The following WIPF3 variants were observed in gnomAD, a reference collection of about 807,000 sequenced individuals.
WIPF3 encodes WAS/WASL interacting protein family member 3, also known as WAS/WASL-interacting protein family member 3.
A neutral mutation model predicts 38.9 loss-of-function variants in WIPF3; 33 were observed. That is an observed-to-expected ratio of 0.85 (90% CI 0.64 to 1.14). The LOEUF (loss-of-function observed/expected upper bound fraction) is 1.14, where lower values mean the gene tolerates loss of function less well. Ranked by LOEUF, WIPF3 falls within the 50% of genes most tolerant of loss-of-function variation. WIPF3 has a pLI of 0.00. For synonymous variants in WIPF3, 324 were observed against 269.3 expected (o/e 1.20, Z -1.99); for missense variants, 711 against 652.5 (o/e 1.09, Z -0.98).
chr7:29,864,263 G>A (rs1300304682), intron 2 of WIPF3, among the ~76,000 whole-genome samples: 1 of 152,046 alleles, frequency 6.6e-6, no homozygotes, highest in Non-Finnish European at 1.5e-5. Context: ...TGCTTTTTCT[G>A]TATCAATTGA....
At position 29,888,116 on chromosome 7, in the gene WIPF3, C is replaced by T; in HGVS notation, c.1148C>T (p.Ser383Leu). The change falls in exon 6 of 9, where the codon TCA becomes TTA. Residue 383 changes from serine (S) to leucine (L), a missense_variant. Transcript: ENST00000242140. ...CCACCTCCAGCACCCCCTGCGAGAT[C>T]ACCTACCACAGAGCTTTCAAGCAAG... Reference protein sequence around the residue: ...LNPPPAPPARSPTTELSSKSQ... With the variant: ...LNPPPAPPARLPTTELSSKSQ... 6.2e-7 allele frequency: 1 copy of T among 1,613,952 alleles called. No homozygotes were observed. The highest frequency in any genetic ancestry group is 8.5e-7 in the Non-Finnish European group (1 of 1,179,888).
At chr7:29,904,212 GAA>G (rs1786345416) in intron 7 of WIPF3, 72 bp from the exon 8 acceptor site, 1 of 1,467,354 alleles carries the variant, frequency 6.8e-7, no homozygotes, top group East Asian at 2.3e-5. Context: ...CTGATTTAGA[GAA>G]AGTTTCTCTG....
chr7:29,870,737 A>C (rs1785480087), intron 2 of WIPF3, among the ~76,000 whole-genome samples: 1 of 152,218 alleles, frequency 6.6e-6, no homozygotes, highest in Admixed American at 6.5e-5. Flanking sequence ...ACAGTTCTGT[A>C]CACTGTACTG....
Position 29,914,532 on chromosome 7 carries a change from G to C in WIPF3, c.*16G>C. The C allele has an allele frequency of 6.6e-7, 1 of 1,515,706 alleles. No homozygotes were observed. 93.9% of individuals were successfully genotyped at this position (1,515,706 alleles called of 1,614,324 possible). On this transcript the variant is annotated 3_prime_UTR_variant, in exon 9 of 9. Transcript: ENST00000242140. ...TCTTCGGTGAGAAGACAGATGAAGCGAAGGTCCTGGGGTTCCAGGTTGCAG... is the reference window on the plus strand; with the variant it reads ...TCTTCGGTGAGAAGACAGATGAAGCCAAGGTCCTGGGGTTCCAGGTTGCAG...
chr7:29,854,121 G>A (rs1352351200), intron 2 of WIPF3, among the ~76,000 whole-genome samples: 2 of 152,212 alleles, frequency 1.3e-5, no homozygotes, highest in African/African-American at 2.4e-5. Flanking sequence ...GGCCTTTGGA[G>A]CTGCTCAGGA....
chr7:29,840,320 T>C (rs2128066534), intron 2 of WIPF3, among the ~76,000 whole-genome samples: 1 of 152,368 alleles, frequency 6.6e-6, no homozygotes, highest in East Asian at 1.9e-4. Context: ...TTAAGGCCTC[T>C]GCATAGCCAT....
chr7:29,841,854 G>A (rs1424953268), intron 2 of WIPF3, among the ~76,000 whole-genome samples: 9 of 152,112 alleles, frequency 5.9e-5, no homozygotes, highest in Admixed American at 5.9e-4. Flanking sequence ...TGCCCACATG[G>A]TGTGTTGGTC....
At chr7:29,897,885 C>G (rs1209399248) in intron 7 of WIPF3, among the ~76,000 whole-genome samples, 1 of 152,248 alleles carries the variant, frequency 6.6e-6, no homozygotes, top group African/African-American at 2.4e-5. Context: ...TTTACCACAG[C>G]TTCTGTCCTT....
chr7:29,887,952 T>G, intron 5 of WIPF3, 116 bp from the exon 6 acceptor site: 1 of 1,355,314 alleles, frequency 7.4e-7, no homozygotes. Flanking sequence ...AGGTTGCCCT[T>G]TTACTCGCTG....
intron 2 of WIPF3, among the ~76,000 whole-genome samples, chr7:29,847,503 T>C (rs143103653): frequency 6.6e-6 from 1 of 152,368 alleles, no homozygotes; most frequent in African/African-American, 2.4e-5. Flanking sequence ...CCCAACGATG[T>C]AGCGGAAATT....
intron 7 of WIPF3, among the ~76,000 whole-genome samples, chr7:29,899,308 C>T (rs964373454): frequency 6.6e-6 from 1 of 152,226 alleles, no homozygotes; most frequent in Non-Finnish European, 1.5e-5. Flanking sequence ...AGAGGTCTCC[C>T]CTGACTACCC....
intron 7 of WIPF3, among the ~76,000 whole-genome samples, chr7:29,894,100 T>C (rs1278240566): frequency 1.3e-5 from 2 of 152,226 alleles, no homozygotes; most frequent in Non-Finnish European, 2.9e-5. Context: ...TTTGCTGATC[T>C]GCCCTAAACC....
At chr7:29,896,969 C>A (rs1786158041) in intron 7 of WIPF3, among the ~76,000 whole-genome samples, 1 of 152,186 alleles carries the variant, frequency 6.6e-6, no homozygotes. Flanking sequence ...GGTTATATCC[C>A]AAGTCCTGAA....
In WIPF3 at chr7:29,834,661, T is replaced by C; in HGVS notation, c.-57-7T>C. The C allele has an allele frequency of 7.2e-7, 1 of 1,388,388 alleles. No homozygotes were observed. Among genetic ancestry groups the C allele is most frequent in the Non-Finnish European group, 9.4e-7 (1 of 1,068,456 alleles). The allele number at this position is 1,388,388 out of a possible 1,614,324, so 86.0% of individuals were successfully genotyped here. On this transcript the variant is annotated splice_polypyrimidine_tract_variant and splice_region_variant and intron_variant, in intron 1 of 8. Transcript: ENST00000242140. Reference sequence around the variant, plus strand: ...AAGTTTAAATCCATTCTTTTTCTCTTTTTCAGAGCAGAAGCCACTCTCTTG... The same window carrying C: ...AAGTTTAAATCCATTCTTTTTCTCTCTTTCAGAGCAGAAGCCACTCTCTTG...
In WIPF3 at chr7:29,884,182, C is replaced by A; in HGVS notation, c.688C>A (p.Pro230Thr). The A allele has an allele frequency of 1.3e-6, 2 of 1,519,518 alleles. No individual in the cohort carries two copies. Among genetic ancestry groups the A allele is most frequent in the South Asian group, 1.2e-5 (1 of 80,636 alleles). The allele number at this position is 1,519,518 out of a possible 1,614,324, so 94.1% of individuals were successfully genotyped here. Residue 230 changes from proline to threonine, a missense_variant, in exon 5 of 9, where the codon CCT becomes ACT. Physicochemically the swap from Pro to Thr is conservative, Grantham distance 38. Transcript: ENST00000242140. ...TGCGCCACCACCTCCACCTCCGCCA[C>A]CTCCCCCAACGCCACCCCCGCTGCC... The part of the protein sequence containing the change: ...PCAPPPPPPP[P>T]PPTPPPLPPA...
chr7:29,843,789 T>C (rs768368239), intron 2 of WIPF3, among the ~76,000 whole-genome samples: 10 of 152,018 alleles, frequency 6.6e-5, no homozygotes, highest in African/African-American at 2.2e-4. Context: ...CTTTAACCTT[T>C]CTTGTCATAA....
At chr7:29,858,492 A>G (rs960498455) in intron 2 of WIPF3, among the ~76,000 whole-genome samples, 1 of 151,918 alleles carries the variant, frequency 6.6e-6, no homozygotes, top group Non-Finnish European at 1.5e-5. Flanking sequence ...GTGCAAGACA[A>G]AAACAGTCGA....
At chr7:29,820,328 G>A (rs141961140) in intron 1 of WIPF3, among the ~76,000 whole-genome samples, 74 of 152,184 alleles carry the variant, frequency 4.9e-4, no homozygotes, top group African/African-American at 1.7e-3. Context: ...CTTTTACACA[G>A]TATATAGTTG....
At chr7:29,891,528 A>G (rs550377610) in intron 7 of WIPF3, among the ~76,000 whole-genome samples, 2 of 152,338 alleles carry the variant, frequency 1.3e-5, no homozygotes, top group African/African-American at 4.8e-5. Context: ...GAAAGGGATC[A>G]GTATGAAGGA....
Sources: allele counts gnomAD v4.1 joint callset (sites outside exome capture counted in the v4.1 genomes callset), GRCh38; gene constraint gnomAD v4.1.1; transcripts MANE v1.5; gene names NCBI Gene and HGNC (gene_info 2026-07-23, HGNC 2026-07-21).